VAV3: variants seen among roughly 807,000 people sequenced by gnomAD.
VAV3 encodes guanine nucleotide exchange factor VAV3.
In VAV3, 94 loss-of-function variants were observed where a neutral mutation model predicts 131.2. The ratio of observed to expected loss-of-function variants is 0.72; its 90% CI spans 0.61 to 0.85. VAV3 has a LOEUF of 0.85. Ranked by LOEUF, VAV3 falls within the 40% of genes least tolerant of loss-of-function variation. VAV3 has a pLI of 0.00. For missense variants in VAV3, 939 were observed against 1,002.7 expected (o/e 0.94, Z 0.86); for synonymous variants, 349 against 342.0 (o/e 1.02, Z -0.22).
At chr1:107,743,137 T>C (rs139090386) in intron 15 of VAV3, among the ~76,000 whole-genome samples, 64 of 152,264 alleles carry the variant, frequency 4.2e-4, no homozygotes, top group Non-Finnish European at 7.1e-4. Context: ...ATGGGTGGGA[T>C]AAAACCAGTC....
At chr1:107,826,149 T>A (rs1460165224) in intron 2 of VAV3, among the ~76,000 whole-genome samples, 1 of 152,116 alleles carries the variant, frequency 6.6e-6, no homozygotes, top group Admixed American at 6.6e-5. Context: ...TCTACTAACT[T>A]CTACTACTTA....
intron 2 of VAV3, among the ~76,000 whole-genome samples, chr1:107,830,707 AT>A (rs2102387484): frequency 6.6e-6 from 1 of 152,030 alleles, no homozygotes; most frequent in Non-Finnish European, 1.5e-5. Context: ...TTTACCTACG[AT>A]TGTCTTGGTA....
intron 19 of VAV3, among the ~76,000 whole-genome samples, chr1:107,670,299 G>C (rs1235417094): frequency 6.6e-6 from 1 of 152,134 alleles, no homozygotes; most frequent in Non-Finnish European, 1.5e-5. Context: ...ACAGAGAGGA[G>C]GTAACAAAGC....
At chr1:107,943,599 G>C (rs1307687439) in intron 1 of VAV3, among the ~76,000 whole-genome samples, 2 of 152,084 alleles carry the variant, frequency 1.3e-5, no homozygotes, top group Non-Finnish European at 2.9e-5. Context: ...AAAATTAGCT[G>C]GGCATGGTGG....
chr1:107,838,127 A>C (rs188140346), intron 2 of VAV3, among the ~76,000 whole-genome samples: 1 of 152,314 alleles, frequency 6.6e-6, no homozygotes, highest in Non-Finnish European at 1.5e-5. Flanking sequence ...ATATTCGCAA[A>C]CTATGCATCC....
At chr1:107,920,619 C>A (rs889860394) in intron 1 of VAV3, among the ~76,000 whole-genome samples, 2 of 152,196 alleles carry the variant, frequency 1.3e-5, no homozygotes, top group African/African-American at 2.4e-5. Context: ...AAAAGCTCCC[C>A]ACCTATTCCT....
intron 17 of VAV3, among the ~76,000 whole-genome samples, chr1:107,691,150 A>G (rs1208661762): frequency 6.6e-6 from 1 of 152,202 alleles, no homozygotes; most frequent in Admixed American, 6.5e-5. Context: ...CTAAACTGTC[A>G]TACCCACACT....
At chr1:107,711,742 C>T (rs1343701471) in intron 15 of VAV3, among the ~76,000 whole-genome samples, 3 of 152,024 alleles carry the variant, frequency 2.0e-5, no homozygotes, top group South Asian at 2.1e-4. Context: ...CTTGCTCTGT[C>T]GCCCAGGCTG....
intron 10 of VAV3, among the ~76,000 whole-genome samples, chr1:107,759,092 C>G (rs1342004418): frequency 1.3e-5 from 2 of 152,108 alleles, no homozygotes; most frequent in African/African-American, 4.8e-5. Flanking sequence ...ATGTACCTAT[C>G]ATATTGTGTT....
At chr1:107,824,267 G>A (rs944992068) in intron 2 of VAV3, among the ~76,000 whole-genome samples, 7 of 152,272 alleles carry the variant, frequency 4.6e-5, no homozygotes, top group South Asian at 2.1e-4. Flanking sequence ...TGCACATAGC[G>A]TCGCTATTTC....
intron 1 of VAV3, among the ~76,000 whole-genome samples, chr1:107,912,624 T>A (rs545723733): frequency 6.6e-6 from 1 of 152,326 alleles, no homozygotes; most frequent in African/African-American, 2.4e-5. Context: ...CTCTGATCTC[T>A]CACTTCACAA....
At chr1:107,947,454 G>A (rs1199203123) in intron 1 of VAV3, among the ~76,000 whole-genome samples, 1 of 152,122 alleles carries the variant, frequency 6.6e-6, no homozygotes, top group Non-Finnish European at 1.5e-5. Context: ...GATGGTGTGG[G>A]ACAGGAGAAG....
intron 1 of VAV3, among the ~76,000 whole-genome samples, chr1:107,904,682 T>C (rs984460035): frequency 2.0e-5 from 3 of 152,170 alleles, no homozygotes; most frequent in Non-Finnish European, 4.4e-5. Context: ...GAGTACCTAC[T>C]ACATAGCAAG....
chr1:107,715,799 T>C lies in VAV3; in HGVS notation c.1503-10738A>G, dbSNP rs1661057817. ...ATTCTAGAGAATTTGGATTTTCTCA[T>C]TCTCTGGTCCAATAAATCTGAACTA... On this transcript the variant is annotated intron_variant, in intron 15 of 26. Transcript: ENST00000370056. Among the ~76,000 whole-genome samples, 5 of 152,166 alleles carry C rather than the reference T, an allele frequency of 3.3e-5. No individual in the cohort carries two copies. In the South Asian group the frequency reaches 1.0e-3, roughly 32 times the overall value.
chr1:107,940,655 A>G (rs76874135), intron 1 of VAV3, among the ~76,000 whole-genome samples: 90 of 152,348 alleles, frequency 5.9e-4, no homozygotes, highest in African/African-American at 2.0e-3. Context: ...CTTAGAAAGG[A>G]AAGAAATTCT....
At chr1:107,757,153 ATGTGTGTGTGTGTGTGTG>A (rs34437461) in intron 11 of VAV3, 90 bp downstream of exon 11, 11 of 593,020 alleles carry the variant, frequency 1.9e-5, no homozygotes, top group South Asian at 2.2e-5. Flanking sequence ...ATGTGTGTAT[ATGTGTGTGTGTGTGTGTG>A]TGTGTGTGTG....
At chr1:107,684,707 T>G (rs1189551104) in intron 18 of VAV3, among the ~76,000 whole-genome samples, 1 of 152,184 alleles carries the variant, frequency 6.6e-6, no homozygotes. Context: ...GCAAGATGGA[T>G]AGCTGCACTA....
chr1:107,751,030 C>T, intron 13 of VAV3, 87 bp downstream of exon 13: 1 of 1,311,228 alleles, frequency 7.6e-7, no homozygotes. Context: ...TTTCCCCCTA[C>T]TTCACACTGG....
intron 1 of VAV3, among the ~76,000 whole-genome samples, chr1:107,904,041 T>C (rs967890329): frequency 7.2e-5 from 11 of 152,104 alleles, no homozygotes; most frequent in African/African-American, 2.7e-4. Context: ...ATCCTACCCA[T>C]TACCTGTTCT....
Sources: gnomAD v4.1 joint callset for allele counts (sites outside exome capture counted in the v4.1 genomes callset) on GRCh38, gnomAD v4.1.1 for gene constraint, MANE v1.5 for transcripts, NCBI Gene and HGNC (gene_info 2026-07-23, HGNC 2026-07-21) for gene names.